The following ESR1 variants were observed in gnomAD, a reference collection of about 807,000 sequenced individuals.
ESR1 encodes the protein estrogen receptor.
In ESR1, 12 loss-of-function variants were observed where a neutral mutation model predicts 52.7. The ratio of observed to expected loss-of-function variants is 0.23; its 90% CI spans 0.15 to 0.37. The LOEUF (loss-of-function observed/expected upper bound fraction) is 0.37, where lower values mean the gene tolerates loss of function less well. ESR1 is among the 10% of genes least tolerant of loss of function. The probability of loss-of-function intolerance (pLI) is 1.00; values close to 1 mark genes in which losing one functional copy is unlikely to be tolerated. For missense variants in ESR1, 584 were observed against 779.7 expected (o/e 0.75, Z 2.99); for synonymous variants, 305 against 316.8 (o/e 0.96, Z 0.39).
rs2128234725 is a variant in ESR1 at position 151,842,753 on chromosome 6, G to A, written c.609G>A (p.Glu203=). ...ACCATTATGGAGTCTGGTCCTGTGA[G>A]GGCTGCAAGGCCTTCTTCAAGAGAA... ...SGYHYGVWSC[E]GCKAFFKRSI... Residue 203 remains glutamate (E), a synonymous_variant, in exon 2 of 8, where the codon GAG becomes GAA. Coordinates refer to ENST00000206249, the MANE Select transcript of ESR1 (RefSeq NM_000125.4). The A allele has an allele frequency of 6.2e-7, 1 of 1,613,974 alleles. No individual in the cohort carries two copies. Among genetic ancestry groups the A allele is most frequent in the East Asian group, 2.2e-5 (1 of 44,874 alleles).
intron 5 of ESR1, among the ~76,000 whole-genome samples, chr6:152,057,041 T>G (rs2047161581): frequency 6.6e-6 from 1 of 152,166 alleles, no homozygotes; most frequent in Non-Finnish European, 1.5e-5. Context: ...CTAGTCTGAT[T>G]TGCCCCTTGA....
At chr6:151,813,235 C>T (rs1779092070) in intron 1 of ESR1, 1 of 152,094 alleles carries the variant, frequency 6.6e-6, no homozygotes, top group South Asian at 2.1e-4. Flanking sequence ...ATATAGGAAG[C>T]ACAGAATGAC....
At chr6:152,122,306 G>T in intron 6 of ESR1, 2 of 1,448,104 alleles carry the variant, frequency 1.4e-6, no homozygotes, top group Non-Finnish European at 1.9e-6. Context: ...CATGTGATCT[G>T]GAGGAGGGCT....
intron 1 of ESR1, among the ~76,000 whole-genome samples, chr6:151,839,638 T>A (rs1783956042): frequency 1.3e-5 from 2 of 152,202 alleles, no homozygotes; most frequent in African/African-American, 4.8e-5. Context: ...GTGTAGTATA[T>A]ACAGACAATG....
intron 3 of ESR1, among the ~76,000 whole-genome samples, chr6:151,905,472 G>C (rs1005874509): frequency 6.6e-6 from 1 of 152,110 alleles, no homozygotes; most frequent in Non-Finnish European, 1.5e-5. Flanking sequence ...AATTGAGGCA[G>C]AACTGATAGA....
chr6:151,773,895 T>C (rs1785727578), intron 2 of ESR1, among the ~76,000 whole-genome samples: 1 of 152,216 alleles, frequency 6.6e-6, no homozygotes, highest in African/African-American at 2.4e-5. Flanking sequence ...CTCTTTGAAT[T>C]GTTATCAGCA....
At position 152,094,452 on chromosome 6, in the gene ESR1, G is replaced by A. The variant is rs751469847; in HGVS notation, c.1437G>A (p.Leu479=). The change falls in exon 7 of 8, where the codon CTG becomes CTA. Residue 479 remains leucine (L), a synonymous_variant. Transcript: ENST00000206249. The surrounding 1 kb of genome is among the most constrained non-coding windows in gnomAD (Gnocchi z 4.6). ...LEEKDHIHRV[L]DKITDTLIHL... ...AGAAGGACCATATCCACCGAGTCCT[G>A]GACAAGATCACAGACACTTTGATCC... 1 of 1,613,950 alleles carries A rather than the reference G, an allele frequency of 6.2e-7. No homozygotes were observed. The highest frequency in any genetic ancestry group is 1.3e-5 in the African/African-American group (1 of 74,878).
At position 151,676,560 on chromosome 6, in the gene ESR1, C is replaced by T. The variant is rs142165597; in HGVS notation, n.73+19797C>T. On this transcript the variant is annotated intron_variant and non_coding_transcript_variant, in intron 1 of 2. Transcript: ENST00000473497. ...CTCCTGTTTACTTAATGGTCGGCTA[C>T]GCTTGAAATATCATGCTCTCCCTGT... 4.0e-3 allele frequency among the ~76,000 whole-genome samples: 604 copies of T among 152,282 alleles called. 3 individuals are homozygous for T. Among genetic ancestry groups the T allele is most frequent in the African/African-American group, 0.013 (541 of 41,546 alleles).
At chr6:151,722,491 C>T (rs528501003) in intron 2 of ESR1, among the ~76,000 whole-genome samples, 1 of 152,268 alleles carries the variant, frequency 6.6e-6, no homozygotes, top group South Asian at 2.1e-4. Context: ...AAAGCTTTGT[C>T]CTTGTGTGGG....
chr6:151,946,488 T>C (rs1295629669), intron 4 of ESR1, among the ~76,000 whole-genome samples: 1 of 152,170 alleles, frequency 6.6e-6, no homozygotes, highest in Non-Finnish European at 1.5e-5. Flanking sequence ...AGGAAAATAT[T>C]ATACACAGGC....
intron 5 of ESR1, among the ~76,000 whole-genome samples, chr6:152,036,584 C>T (rs572720733): frequency 2.6e-5 from 4 of 152,288 alleles, no homozygotes; most frequent in South Asian, 2.1e-4. Flanking sequence ...CAGGAACCTG[C>T]GTCACTTTCA....
intron 6 of ESR1, among the ~76,000 whole-genome samples, chr6:152,118,627 A>C: frequency 7.3e-6 from 1 of 136,950 alleles, no homozygotes; most frequent in Non-Finnish European, 1.6e-5. Flanking sequence ...GTGGGGGGCA[A>C]GGGGAGGGAG....
At chr6:152,116,857 G>A (rs558367114) in intron 6 of ESR1, among the ~76,000 whole-genome samples, 69 of 152,082 alleles carry the variant, frequency 4.5e-4, no homozygotes, top group African/African-American at 1.6e-3. Flanking sequence ...CCATTGACTA[G>A]AGTTCAGAAT....
intron 1 of ESR1, among the ~76,000 whole-genome samples, chr6:151,666,062 GTCTTT>G (rs1437626896): frequency 1.3e-5 from 2 of 152,186 alleles, no homozygotes; most frequent in East Asian, 3.9e-4. Flanking sequence ...TAATTTCAGT[GTCTTT>G]TCTTTGGGCT....
intron 2 of ESR1, among the ~76,000 whole-genome samples, chr6:151,715,640 T>C (rs1411626193): frequency 6.6e-6 from 1 of 152,210 alleles, no homozygotes; most frequent in African/African-American, 2.4e-5. Flanking sequence ...TTGATACTTG[T>C]GTATGCTTCA....
chr6:152,100,022 G>A lies in ESR1; in HGVS notation c.*1056G>A, dbSNP rs1330748858. On this transcript the variant is annotated 3_prime_UTR_variant, in exon 8 of 8. Transcript: ENST00000206249. ...GTGCAGGATTGTTGTGGCTACTAGA[G>A]AACAAGAGGGAAAGTAGGGCAGAAA... 1.0e-5 allele frequency: 4 copies of A among 398,690 alleles called. No homozygotes were observed. 24.7% of individuals were successfully genotyped at this position (398,690 alleles called of 1,614,324 possible).
intron 5 of ESR1, among the ~76,000 whole-genome samples, chr6:152,056,856 C>T (rs566784154): frequency 2.0e-5 from 3 of 152,228 alleles, no homozygotes; most frequent in Admixed American, 6.5e-5. Flanking sequence ...CTGTGTGCTT[C>T]CTTTAAAAAT....
chr6:151,960,539 G>A (rs1370367074), intron 4 of ESR1, among the ~76,000 whole-genome samples: 1 of 152,170 alleles, frequency 6.6e-6, no homozygotes, highest in African/African-American at 2.4e-5. Context: ...AGCAGTTCTG[G>A]AATATTCTAG....
Position 151,842,705 on chromosome 6 carries a change from G to A in ESR1, c.561G>A (p.Val187=), listed in dbSNP as rs2128234549. ...CCAAGGAGACTCGCTACTGTGCAGT[G>A]TGCAATGACTATGCTTCAGGCTACC... is the stretch of plus-strand genomic sequence containing the variant. ...ESAKETRYCA[V]CNDYASGYHY... Residue 187 remains valine (V), a synonymous_variant, in exon 2 of 8, where the codon GTG becomes GTA. Coordinates refer to ENST00000206249, the MANE Select transcript of ESR1 (RefSeq NM_000125.4). 6.2e-7 allele frequency: 1 copy of A among 1,614,010 alleles called. No homozygotes were observed. Among genetic ancestry groups the A allele is most frequent in the Non-Finnish European group, 8.5e-7 (1 of 1,179,944 alleles).
Sources: allele counts gnomAD v4.1 joint callset (sites outside exome capture counted in the v4.1 genomes callset), GRCh38; gene constraint gnomAD v4.1.1; non-coding constraint Gnocchi (gnomAD v3.1); transcripts MANE v1.5; gene names NCBI Gene and HGNC (gene_info 2026-07-23, HGNC 2026-07-21).